The following INSYN2A variants were observed in gnomAD, a reference collection of about 807,000 sequenced individuals.
INSYN2A encodes inhibitory synaptic factor 2A.
A neutral mutation model predicts 39.4 loss-of-function variants in INSYN2A; 17 were observed. The observed-to-expected ratio is 0.43, with a 90% CI of 0.30 to 0.65. INSYN2A has a LOEUF of 0.65. Among genes scored for constraint, INSYN2A ranks in the 30% least tolerant of loss-of-function variants. The pLI is 0.14. For missense variants in INSYN2A, 595 were observed against 631.2 expected, an observed-to-expected ratio of 0.94 and a Z score of 0.61; for synonymous variants, 255 against 265.7, an observed-to-expected ratio of 0.96 and a Z score of 0.39.
intron 2 of INSYN2A, among the ~76,000 whole-genome samples, chr10:127,187,719 GAAGAAAGAGAGAAAGAAAGA>G (rs978218091): frequency 7.3e-6 from 1 of 136,752 alleles, no homozygotes. Flanking sequence ...AAAACAAGGA[GAAGAAAGAGAGAAAGAAAGA>G]AAGAAAGAGA....
chr10:127,142,656 C>T (rs1265726887), intron 5 of INSYN2A, among the ~76,000 whole-genome samples: 1 of 152,086 alleles, frequency 6.6e-6, no homozygotes, highest in East Asian at 1.9e-4. Context: ...TGACAAGACA[C>T]GAATTCCTGG....
At chr10:127,183,637 C>T (rs1006399800) in intron 2 of INSYN2A, among the ~76,000 whole-genome samples, 1 of 152,126 alleles carries the variant, frequency 6.6e-6, no homozygotes, top group Non-Finnish European at 1.5e-5. Context: ...ATACAGTTTG[C>T]AGTTCATGGC....
chr10:127,175,899 C>A lies in INSYN2A; in HGVS notation c.497G>T (p.Arg166Leu). Residue 166 changes from arginine (R) to leucine (L), a missense_variant, in exon 4 of 6, where the codon CGG becomes CTG. Arg to Leu is a moderately radical substitution (Grantham distance 102, BLOSUM62 -2). Around this residue, in one of 2 missense-constraint regions of INSYN2A, gnomAD observed 478 missense variants for 467.4 expected, o/e 1.02. Coordinates refer to ENST00000522781, the MANE Select transcript of INSYN2A (RefSeq NM_001039762.3). The surrounding 1 kb of genome is among the most constrained non-coding windows in gnomAD (Gnocchi z 6.3). ...MEEARPCGAG[R>L]VHKTTALVFH... Reference sequence around the variant, plus strand: ...AACCAAGGCTGTGGTCTTGTGCACCCGCCCCGCGCCACATGGCCGGGCCTC... The same window carrying A: ...AACCAAGGCTGTGGTCTTGTGCACCAGCCCCGCGCCACATGGCCGGGCCTC... The A allele has an allele frequency of 6.2e-7, 1 of 1,614,192 alleles. No homozygotes were observed. The highest frequency in any genetic ancestry group is 8.5e-7 in the Non-Finnish European group (1 of 1,180,044).
intron 4 of INSYN2A, among the ~76,000 whole-genome samples, chr10:127,167,330 A>G (rs893276394): frequency 6.6e-6 from 1 of 152,234 alleles, no homozygotes; most frequent in Non-Finnish European, 1.5e-5. Context: ...AAAAGAAAAG[A>G]AAATGGCTTC....
At position 127,175,438 on chromosome 10, in the gene INSYN2A, C is replaced by T. The variant is rs781714055; in HGVS notation, c.958G>A (p.Glu320Lys). Residue 320 changes from glutamate (E) to lysine (K), a missense_variant, in exon 4 of 6, where the codon GAG becomes AAG. Coordinates refer to ENST00000522781, the MANE Select transcript of INSYN2A (RefSeq NM_001039762.3). This position sits in a 1 kb window ranked among gnomAD's most constrained non-coding sequence, Gnocchi z 6.3. ...GGGGTGTGAGTCTGCGACGGCTGCT[C>T]ACTACATTCGGGGGACAGGCACTGC... The part of the protein sequence containing the change: ...PMQCLSPECS[E>K]QPSQTHTPPG... The T allele has an allele frequency of 5.0e-6, 8 of 1,612,378 alleles. No individual in the cohort carries two copies. Among genetic ancestry groups the T allele is most frequent in the African/African-American group, 2.7e-5 (2 of 74,916 alleles).
At position 127,146,048 on chromosome 10, in the gene INSYN2A, G is replaced by C. The variant is rs1327459158; in HGVS notation, c.1256+7804C>G. 7.7e-6 allele frequency: 4 copies of C among 518,488 alleles called. No individual in the cohort carries two copies. In the Admixed American group the frequency reaches 7.8e-5, roughly 10 times the overall value. The allele number at this position is 518,488 out of a possible 1,614,324, so 32.1% of individuals were successfully genotyped here. ...TGGAATTTCATACGACCCAGCCCTA[G>C]ACATCGTGGCCAGGACTGCGTCCCG... is the stretch of plus-strand genomic sequence containing the variant. On this transcript the variant is annotated intron_variant, in intron 5 of 5. Coordinates refer to ENST00000522781, the MANE Select transcript of INSYN2A (RefSeq NM_001039762.3).
At chr10:127,157,823 G>C (rs1446677749) in intron 4 of INSYN2A, among the ~76,000 whole-genome samples, 1 of 152,212 alleles carries the variant, frequency 6.6e-6, no homozygotes, top group African/African-American at 2.4e-5. Flanking sequence ...GGAATCAGTT[G>C]TTTGGAGTCC....
At chr10:127,162,722 C>T (rs1413592) in intron 4 of INSYN2A, among the ~76,000 whole-genome samples, 76,798 of 152,006 alleles carry the variant, frequency 0.51, 21,475 homozygotes, top group East Asian at 0.75. Context: ...AATCATAGAC[C>T]TTAATGGACT....
intron 4 of INSYN2A, among the ~76,000 whole-genome samples, chr10:127,168,211 G>A (rs1429201117): frequency 6.6e-6 from 1 of 152,174 alleles, no homozygotes; most frequent in Non-Finnish European, 1.5e-5. Flanking sequence ...AAAAATGGAA[G>A]AACCAAGTGC....
chr10:127,194,479 T>C (rs2056961830), intron 1 of INSYN2A, among the ~76,000 whole-genome samples: 1 of 152,232 alleles, frequency 6.6e-6, no homozygotes, highest in African/African-American at 2.4e-5. Context: ...TAAGAAATAG[T>C]ACAGTGTGGG....
At chr10:127,193,503 A>G (rs554416408) in intron 1 of INSYN2A, among the ~76,000 whole-genome samples, 5 of 152,316 alleles carry the variant, frequency 3.3e-5, no homozygotes, top group East Asian at 1.9e-4. Context: ...TCTGAGAAGC[A>G]TAAGTCACCT....
At position 127,143,455 on chromosome 10, in the gene INSYN2A, G is replaced by A. The variant is rs532307056; in HGVS notation, c.1257-5435C>T. 1.8e-4 allele frequency among the ~76,000 whole-genome samples: 28 copies of A among 152,304 alleles called. No individual in the cohort carries two copies. In the East Asian group the frequency reaches 4.8e-3, roughly 26 times the overall value. ...ATAAATCACCTCACCTTGGGGACCT[G>A]AGCTTGCTTGGCTGTGAAGTGATGG... On this transcript the variant is annotated intron_variant, in intron 5 of 5. Coordinates refer to ENST00000522781, the MANE Select transcript of INSYN2A (RefSeq NM_001039762.3).
Position 127,192,607 on chromosome 10 carries a change from T to G in INSYN2A, c.-271A>C, listed in dbSNP as rs1409585690. 6.6e-6 allele frequency: 1 copy of G among 152,214 alleles called. No individual in the cohort carries two copies. Among genetic ancestry groups the G allele is most frequent in the East Asian group, 1.9e-4 (1 of 5,204 alleles). The allele number at this position is 152,214 out of a possible 1,614,324, so 9.4% of individuals were successfully genotyped here. A position where few individuals can be genotyped will look rare whatever the true frequency, so the allele number is the denominator to read the frequency against. On this transcript the variant is annotated splice_region_variant and 5_prime_UTR_variant, in exon 2 of 6. Transcript: ENST00000522781. ...ACACTGAATATCCTGTGACTTACAGTAGAGGGGTCTCTGAAAGGACTTGAA... is the reference window on the plus strand; with the variant it reads ...ACACTGAATATCCTGTGACTTACAGGAGAGGGGTCTCTGAAAGGACTTGAA...
rs1488091844 is a variant in INSYN2A, at chr10:127,190,673, C to T, written c.-269+1932G>A. 7.2e-5 allele frequency among the ~76,000 whole-genome samples: 2 copies of T among 27,660 alleles called. 1 individual carries two copies. Among genetic ancestry groups the T allele is most frequent in the Admixed American group, 6.4e-4 (2 of 3,134 alleles). The allele number at this position is 27,660 out of a possible 152,430, so 18.1% of individuals were successfully genotyped here. A position where few individuals can be genotyped will look rare whatever the true frequency, so the allele number is the denominator to read the frequency against. ...TAATAGAAATCCTATCTTCCCCCCCCCCCCCCCCCCGTTCCTGCTGGCTCC... is the reference window on the plus strand; with the variant it reads ...TAATAGAAATCCTATCTTCCCCCCCTCCCCCCCCCCGTTCCTGCTGGCTCC... On this transcript the variant is annotated intron_variant, in intron 2 of 5. Transcript: ENST00000522781.
rs543886661 is a variant in INSYN2A, at chr10:127,154,430, TATA to T, written c.1185-510_1185-508del. On this transcript the variant is annotated intron_variant, in intron 4 of 5. Coordinates refer to ENST00000522781, the MANE Select transcript of INSYN2A (RefSeq NM_001039762.3). ...AGCACTTGAAAAAAAATTGAAAGCA[TATA>T]ATATTTGTGACACATGGAAATGATC... 5.5e-3 allele frequency among the ~76,000 whole-genome samples: 840 copies of T among 152,368 alleles called. 10 individuals carry two copies. The highest frequency in any genetic ancestry group is 0.019 in the African/African-American group (793 of 41,588).
At chr10:127,171,633 C>G (rs982135135) in intron 4 of INSYN2A, among the ~76,000 whole-genome samples, 3 of 152,146 alleles carry the variant, frequency 2.0e-5, no homozygotes, top group African/African-American at 7.2e-5. Context: ...CTGACTTTCC[C>G]CAGCTTCAAG....
chr10:127,190,212 G>A (rs2056616789), intron 2 of INSYN2A, among the ~76,000 whole-genome samples: 1 of 152,196 alleles, frequency 6.6e-6, no homozygotes, highest in Non-Finnish European at 1.5e-5. Flanking sequence ...GAATCGCTGA[G>A]GTTGAGTTTG....
At chr10:127,141,021 A>T (rs1453204722) in intron 5 of INSYN2A, among the ~76,000 whole-genome samples, 22 of 151,928 alleles carry the variant, frequency 1.4e-4, no homozygotes, top group Admixed American at 1.4e-3. Flanking sequence ...TGGTTGCCCT[A>T]CCTGGGGCCA....
At chr10:127,188,795 G>C (rs969670978) in intron 2 of INSYN2A, among the ~76,000 whole-genome samples, 3 of 152,222 alleles carry the variant, frequency 2.0e-5, no homozygotes, top group African/African-American at 7.2e-5. Flanking sequence ...TCTGTGCTTT[G>C]TGTATGTCTG....
Sources: gnomAD v4.1 joint callset for allele counts (sites outside exome capture counted in the v4.1 genomes callset) on GRCh38, gnomAD v4.1.1 for gene constraint, gnomAD v4.1.1 regional missense constraint, Gnocchi (gnomAD v3.1) non-coding constraint, MANE v1.5 for transcripts, NCBI Gene and HGNC (gene_info 2026-07-23, HGNC 2026-07-21) for gene names.